Variants in SPRED2 observed in about 807,000 individuals in gnomAD.
The protein encoded by SPRED2 is sprouty-related, EVH1 domain-containing protein 2.
A neutral mutation model predicts 43.0 loss-of-function variants in SPRED2; 47 were observed. That is an observed-to-expected ratio of 1.09 (90% CI 0.87 to 1.40). SPRED2 has a LOEUF of 1.40. SPRED2 is among the 40% of genes most tolerant of loss of function. The probability of loss-of-function intolerance (pLI) is 0.00; values close to 1 mark genes in which losing one functional copy is unlikely to be tolerated. For synonymous variants in SPRED2, 225 were observed against 225.7 expected (o/e 1.00, Z 0.03); for missense variants, 561 against 586.4 (o/e 0.96, Z 0.45).
In SPRED2 at chr2:65,313,297, T is replaced by G. The variant is rs1673122046; in HGVS notation, c.*204A>C. On this transcript the variant is annotated 3_prime_UTR_variant, in exon 6 of 6. Transcript: ENST00000356388. ...GCGAGCGTGTGTGTATGGATGTGGC[T>G]GCTGCAGTGTGGGCGGCAGGGGGAG... The G allele has an allele frequency of 7.0e-7, 1 of 1,424,474 alleles. No individual in the cohort carries two copies. Among genetic ancestry groups the G allele is most frequent in the Non-Finnish European group, 9.1e-7 (1 of 1,094,742 alleles). The allele number at this position is 1,424,474 out of a possible 1,614,324, so 88.2% of individuals were successfully genotyped here.
At chr2:65,351,714 A>G (rs373293554) in intron 1 of SPRED2, among the ~76,000 whole-genome samples, 13 of 152,368 alleles carry the variant, frequency 8.5e-5, no homozygotes, top group African/African-American at 3.1e-4. Context: ...GTATATGTGA[A>G]TATAAAATAC....
At chr2:65,317,697 G>A (rs895481823) in intron 4 of SPRED2, among the ~76,000 whole-genome samples, 1 of 152,184 alleles carries the variant, frequency 6.6e-6, no homozygotes, top group African/African-American at 2.4e-5. Context: ...CCACCTGGGA[G>A]AGTCTCAGAG....
chr2:65,355,364 G>C (rs1674618631), intron 1 of SPRED2, among the ~76,000 whole-genome samples: 1 of 152,130 alleles, frequency 6.6e-6, no homozygotes, highest in African/African-American at 2.4e-5. Context: ...GTAGTTCTGA[G>C]TTTTTTTCAA....
intron 1 of SPRED2, among the ~76,000 whole-genome samples, chr2:65,392,200 G>A (rs1675656015): frequency 8.0e-6 from 1 of 125,452 alleles, no homozygotes; most frequent in Admixed American, 8.9e-5. Context: ...TTTTTTTGGA[G>A]ACAGGGTCTT....
chr2:65,344,679 T>G (rs1674290300), intron 2 of SPRED2, 40 bp downstream of exon 2: 1 of 1,607,508 alleles, frequency 6.2e-7, no homozygotes, highest in Admixed American at 1.7e-5. Context: ...AGAAAGCAGT[T>G]GTTACTAATT....
intron 1 of SPRED2, among the ~76,000 whole-genome samples, chr2:65,347,052 G>A (rs899074601): frequency 6.6e-6 from 1 of 152,042 alleles, no homozygotes; most frequent in African/African-American, 2.4e-5. Context: ...ACCAATATCT[G>A]CACCACCTCC....
chr2:65,350,293 G>GA (rs1674471898), intron 1 of SPRED2, among the ~76,000 whole-genome samples: 2 of 152,064 alleles, frequency 1.3e-5, no homozygotes, highest in Admixed American at 6.5e-5. Context: ...GTATGCCTTA[G>GA]AAAAAAATGT....
At chr2:65,377,945 G>A (rs921717651) in intron 1 of SPRED2, 2 of 295,030 alleles carry the variant, frequency 6.8e-6, no homozygotes, top group South Asian at 3.3e-5. Context: ...AAGGGAACAT[G>A]CCTTCAGGCA....
intron 1 of SPRED2, among the ~76,000 whole-genome samples, chr2:65,382,207 A>C (rs1675388491): frequency 6.6e-6 from 1 of 152,202 alleles, no homozygotes; most frequent in Non-Finnish European, 1.5e-5. Flanking sequence ...CCCTCTGGAC[A>C]CCATCACCTC....
At chr2:65,401,674 C>T (rs1174193906) in intron 1 of SPRED2, among the ~76,000 whole-genome samples, 8 of 151,750 alleles carry the variant, frequency 5.3e-5, no homozygotes, top group Non-Finnish European at 1.0e-4. Flanking sequence ...GGCGGGCGCG[C>T]CTGTAGTCCC....
In SPRED2 at chr2:65,432,121, G is replaced by A. The variant is rs946782178; in HGVS notation, c.-134C>T. 9 of 1,161,272 alleles carry A rather than the reference G, an allele frequency of 7.8e-6. No homozygotes were observed. The highest frequency in any genetic ancestry group is 3.9e-5 in the Admixed American group (2 of 50,988). 71.9% of individuals were successfully genotyped at this position (1,161,272 alleles called of 1,614,324 possible). ...AGGGGGGGCGGCTAGAGATGAAGAGGGCGCCGCAGCAGAAGGGGAAGCAGG... is the reference window on the plus strand; with the variant it reads ...AGGGGGGGCGGCTAGAGATGAAGAGAGCGCCGCAGCAGAAGGGGAAGCAGG... On this transcript the variant is annotated 5_prime_UTR_variant, in exon 1 of 6. Transcript: ENST00000356388.
intron 1 of SPRED2, among the ~76,000 whole-genome samples, chr2:65,351,259 C>T (rs1402720740): frequency 1.3e-5 from 2 of 152,154 alleles, no homozygotes; most frequent in African/African-American, 2.4e-5. Context: ...CAGGTTTAGT[C>T]GTCCACTGCA....
At position 65,312,344 on chromosome 2, in the gene SPRED2, C is replaced by A. The variant is rs556167043; in HGVS notation, c.*1157G>T. On this transcript the variant is annotated 3_prime_UTR_variant, in exon 6 of 6. Coordinates refer to ENST00000356388, the MANE Select transcript of SPRED2 (RefSeq NM_181784.3). ...GGAATTTGGTGATGTGAAATTGAGT[C>A]CAAAATGAAACGAAAACATAAACCC... 50 of 985,266 alleles carry A rather than the reference C, an allele frequency of 5.1e-5. No individual in the cohort carries two copies. In the African/African-American group the frequency reaches 8.2e-4, roughly 16 times the overall value. 61.0% of individuals were successfully genotyped at this position (985,266 alleles called of 1,614,324 possible). A position where few individuals can be genotyped will look rare whatever the true frequency, so the allele number is the denominator to read the frequency against.
At position 65,355,605 on chromosome 2, in the gene SPRED2, C is replaced by T. The variant is rs543142744; in HGVS notation, c.27-10709G>A. ...TGGTGGTGGACACCTGTAAACCCAGCTACTCAGGAGGCTGAGGTTCAAGAA... is the reference window on the plus strand; with the variant it reads ...TGGTGGTGGACACCTGTAAACCCAGTTACTCAGGAGGCTGAGGTTCAAGAA... On this transcript the variant is annotated intron_variant, in intron 1 of 5. Transcript: ENST00000356388. Among the ~76,000 whole-genome samples the T allele has an allele frequency of 2.0e-5, 3 of 152,190 alleles. No homozygotes were observed. The East Asian group carries it at 5.8e-4, about 29-fold the overall frequency.
chr2:65,340,935 T>C (rs553168456), intron 2 of SPRED2, among the ~76,000 whole-genome samples: 1 of 152,228 alleles, frequency 6.6e-6, no homozygotes, highest in East Asian at 1.9e-4. Context: ...ACTCACCACA[T>C]TTGCAGAGCT....
intron 1 of SPRED2, among the ~76,000 whole-genome samples, chr2:65,387,316 T>C (rs1675524784): frequency 6.6e-6 from 1 of 152,220 alleles, no homozygotes; most frequent in African/African-American, 2.4e-5. Context: ...CAGTCATTGC[T>C]CTCTAGTGAT....
chr2:65,332,687 T>G (rs1372512339), intron 3 of SPRED2, among the ~76,000 whole-genome samples: 1 of 152,198 alleles, frequency 6.6e-6, no homozygotes, highest in Non-Finnish European at 1.5e-5. Context: ...AAGTCAAAAT[T>G]ACAGCTCTTG....
Position 65,313,900 on chromosome 2 carries a change from G to T in SPRED2, c.858C>A (p.Ser286Arg), listed in dbSNP as rs751186486. The T allele has an allele frequency of 1.2e-6, 2 of 1,610,110 alleles. No individual in the cohort carries two copies. Among genetic ancestry groups the T allele is most frequent in the Non-Finnish European group, 1.7e-6 (2 of 1,179,870 alleles). The change falls in exon 6 of 6, where the codon AGC (serine) becomes AGA (arginine). Residue 286 changes from serine (S) to arginine (R), a missense_variant. Transcript: ENST00000356388. ...CCCGGGAGGGCTGCGTCTTGATCAC[G>T]CTGCCCCCGCGGCCTTTGGGGTCCT... ...LGEDPKGRGGSVIKTQPSRGK... is the reference protein window; with the variant it reads ...LGEDPKGRGGRVIKTQPSRGK...
intron 1 of SPRED2, chr2:65,366,785 TC>T: frequency 1.5e-6 from 2 of 1,328,196 alleles, no homozygotes; most frequent in Non-Finnish European, 1.9e-6. Flanking sequence ...GGATGAGTCA[TC>T]CGAGGGTTAG....
Sources: gnomAD v4.1 joint callset for allele counts (sites outside exome capture counted in the v4.1 genomes callset) on GRCh38, gnomAD v4.1.1 for gene constraint, MANE v1.5 for transcripts, NCBI Gene and HGNC (gene_info 2026-07-23, HGNC 2026-07-21) for gene names.